The following P2RY6 variants were observed in gnomAD, a reference collection of about 807,000 sequenced individuals.
P2RY6 encodes pyrimidinergic receptor P2Y6.
Under a neutral mutation model 16.3 loss-of-function variants are expected in P2RY6, and 19 were observed. The observed-to-expected ratio is 1.16, with a 90% confidence interval of 0.81 to 1.71. The LOEUF (loss-of-function observed/expected upper bound fraction) is 1.71, where lower values mean the gene tolerates loss of function less well. Among genes scored for constraint, P2RY6 ranks in the 40% most tolerant of loss-of-function variants. The pLI is 0.00. For synonymous variants in P2RY6, 184 were observed against 201.5 expected, an observed-to-expected ratio of 0.91 and a Z score of 0.74; for missense variants, 389 against 455.5, an observed-to-expected ratio of 0.85 and a Z score of 1.33.
intron 1 of P2RY6, among the ~76,000 whole-genome samples, chr11:73,291,217 G>A (rs531736715): frequency 6.6e-6 from 1 of 152,218 alleles, no homozygotes; most frequent in Non-Finnish European, 1.5e-5. Context: ...GGTGGATAAG[G>A]CATGATAGGG....
At chr11:73,278,290 G>T (rs1266771824) in intron 1 of P2RY6, among the ~76,000 whole-genome samples, 1 of 152,056 alleles carries the variant, frequency 6.6e-6, no homozygotes, top group East Asian at 1.9e-4. Flanking sequence ...TTCTGCCTCA[G>T]CTGGGATTAC....
chr11:73,267,724 G>A (rs1863151798), upstream of P2RY6, among the ~76,000 whole-genome samples: 2 of 152,204 alleles, frequency 1.3e-5, no homozygotes, highest in African/African-American at 4.8e-5. Context: ...CTGGCGACAA[G>A]CAGGACTGGT....
intron 1 of P2RY6, among the ~76,000 whole-genome samples, chr11:73,293,168 T>C (rs1864337342): frequency 6.6e-6 from 1 of 152,108 alleles, no homozygotes; most frequent in Non-Finnish European, 1.5e-5. Context: ...TGGAGATTAG[T>C]TGAATGGCAT....
At chr11:73,270,823 G>A (rs1863270986), upstream of P2RY6, among the ~76,000 whole-genome samples, 1 of 152,010 alleles carries the variant, frequency 6.6e-6, no homozygotes, top group African/African-American at 2.4e-5. Context: ...CCTGGGGGAG[G>A]GTCTCCTCCA....
chr11:73,290,256 G>C (rs558154852), intron 1 of P2RY6, among the ~76,000 whole-genome samples: 1 of 147,660 alleles, frequency 6.8e-6, no homozygotes, highest in East Asian at 2.0e-4. Context: ...GTCAGAGAGA[G>C]AGAGGGGGAA....
intron 1 of P2RY6, chr11:73,265,219 CA>C (rs1863062488): frequency 6.6e-6 from 1 of 152,400 alleles, no homozygotes; most frequent in Admixed American, 6.5e-5. Flanking sequence ...CTGCCTTTTC[CA>C]CCCAGTGCCC....
chr11:73,287,269 T>C (rs1315596538), intron 1 of P2RY6, among the ~76,000 whole-genome samples: 1 of 152,220 alleles, frequency 6.6e-6, no homozygotes, highest in Non-Finnish European at 1.5e-5. Context: ...TTGCAAATAT[T>C]GTGGAAGACC....
Position 73,297,257 on chromosome 11 carries a change from G to GCCTT in P2RY6, c.740_743dup (p.Ala249LeufsTer67). On this transcript the variant is annotated frameshift_variant, in exon 3 of 3. Coordinates refer to ENST00000540124, the MANE Select transcript of P2RY6 (RefSeq NM_001277204.2). LOFTEE classifies it high-confidence loss of function. The stretch of plus-strand genomic sequence containing the variant: ...CCGCATGGCCGTGGTGGTGGCTGCT[G>GCCTT]CCTTTGCCATCAGCTTCCTGCCTTT... 3 of 1,605,976 alleles carry GCCTT rather than the reference G, an allele frequency of 1.9e-6. No individual in the cohort carries two copies. In the Middle Eastern group the frequency reaches 5.0e-4, roughly 265 times the overall value.
intron 1 of P2RY6, among the ~76,000 whole-genome samples, chr11:73,279,953 G>A (rs1863689913): frequency 6.6e-6 from 1 of 152,216 alleles, no homozygotes; most frequent in South Asian, 2.1e-4. Context: ...TAGGCTTCCT[G>A]TGAGGGGCCT....
At chr11:73,271,695 C>CTGGTTCCTTGGTTTCGGGTT, upstream of P2RY6, 1 of 152,534 alleles carries the variant, frequency 6.6e-6, no homozygotes, top group African/African-American at 2.4e-5. Context: ...GGTTTCGGGT[C>CTGGTTCCTTGGTTTCGGGTT]TGGTTCCTTG....
chr11:73,288,691 T>C (rs1858104589), intron 1 of P2RY6, among the ~76,000 whole-genome samples: 1 of 152,208 alleles, frequency 6.6e-6, no homozygotes, highest in Admixed American at 6.5e-5. Context: ...AGGATTGGGT[T>C]GATGACTGGG....
At chr11:73,290,751 A>G (rs1433418667) in intron 1 of P2RY6, among the ~76,000 whole-genome samples, 3 of 152,172 alleles carry the variant, frequency 2.0e-5, no homozygotes, top group Non-Finnish European at 1.5e-5. Context: ...ACTCCCTCCC[A>G]GGTGCACCCA....
intron 2 of P2RY6, 66 bp downstream of exon 2, chr11:73,295,881 G>A: frequency 1.6e-6 from 1 of 619,888 alleles, no homozygotes; most frequent in Non-Finnish European, 2.0e-6. Flanking sequence ...CAGACCCTGG[G>A]CGAAGATGCA....
intron 1 of P2RY6, among the ~76,000 whole-genome samples, chr11:73,276,917 T>C (rs191571109): frequency 9.5e-4 from 145 of 152,274 alleles, no homozygotes; most frequent in South Asian, 2.3e-3. Flanking sequence ...AGAAACTACA[T>C]AGAAGCTTGA....
At chr11:73,269,593 G>A (rs1051027368), upstream of P2RY6, among the ~76,000 whole-genome samples, 14 of 152,178 alleles carry the variant, frequency 9.2e-5, no homozygotes, top group African/African-American at 2.7e-4. Flanking sequence ...TATGTGAACA[G>A]GTGTACACAC....
rs1319576856 is a variant in P2RY6 at position 73,297,930 on chromosome 11, G to A, written c.*425G>A. 2 of 203,504 alleles carry A rather than the reference G, an allele frequency of 9.8e-6. No individual in the cohort carries two copies. Among genetic ancestry groups the A allele is most frequent in the Non-Finnish European group, 2.2e-5 (2 of 91,334 alleles). The allele number at this position is 203,504 out of a possible 1,614,324, so 12.6% of individuals were successfully genotyped here. A position where few individuals can be genotyped will look rare whatever the true frequency, so the allele number is the denominator to read the frequency against. On this transcript the variant is annotated 3_prime_UTR_variant, in exon 3 of 3. Transcript: ENST00000540124. Reference sequence around the variant, plus strand: ...TTTGAGGGATGATTATGAGCTCTCTGGAGAGGAGTGATATTCCATTTATTT... The same window carrying A: ...TTTGAGGGATGATTATGAGCTCTCTAGAGAGGAGTGATATTCCATTTATTT...
rs979766140 is a variant in P2RY6 at position 73,274,156 on chromosome 11, C to T, written c.-121+1690C>T. On this transcript the variant is annotated intron_variant, in intron 1 of 2. Transcript: ENST00000540124. Reference sequence around the variant, plus strand: ...CATTTTACAGGAGAAGAAATGGAGGCTTGTTGAAGGGAAATGGCTCTCCCA... The same window carrying T: ...CATTTTACAGGAGAAGAAATGGAGGTTTGTTGAAGGGAAATGGCTCTCCCA... 2.0e-5 allele frequency among the ~76,000 whole-genome samples: 3 copies of T among 152,158 alleles called. No individual in the cohort carries two copies. In the South Asian group the frequency reaches 6.2e-4, roughly 32 times the overall value.
At chr11:73,292,966 CGGGGGGTGGG>C in intron 1 of P2RY6, 4 of 18,220 alleles carry the variant, frequency 2.2e-4, no homozygotes, top group Non-Finnish European at 2.7e-4. Context: ...GCAGGGGTTG[CGGGGGGTGGG>C]GGGGGGAGGT....
At chr11:73,292,294 AGC>A (rs913056346) in intron 1 of P2RY6, among the ~76,000 whole-genome samples, 1 of 152,184 alleles carries the variant, frequency 6.6e-6, no homozygotes, top group African/African-American at 2.4e-5. Flanking sequence ...AGAAGAGGGA[AGC>A]GGGGGGAGAA....
Sources: allele counts gnomAD v4.1 joint callset (sites outside exome capture counted in the v4.1 genomes callset), GRCh38; gene constraint gnomAD v4.1.1; transcripts MANE v1.5; gene names NCBI Gene and HGNC (gene_info 2026-07-23, HGNC 2026-07-21).